LINC00632: variants seen among roughly 807,000 people sequenced by gnomAD.
LINC00632 encodes the protein ALDOA related specific transcript.
intron 3 of LINC00632, among the ~76,000 whole-genome samples, chrX:140,753,659 G>A (rs768075719): frequency 1.0e-4 from 11 of 108,988 alleles, no homozygotes; most frequent in East Asian, 5.7e-4. Context: ...TATGAAATAC[G>A]TTATAAAAAT....
At chrX:140,729,733 TGCTTTATAGAGATA>T (rs1481601975) in intron 2 of LINC00632, among the ~76,000 whole-genome samples, 1 of 109,230 alleles carries the variant, frequency 9.2e-6, no homozygotes, top group Non-Finnish European at 1.9e-5. Flanking sequence ...ACTGGGTCCA[TGCTTTATAGAGATA>T]GCCTATGGTA....
chrX:140,779,696 A>G (rs1251705090), exon 5 of LINC00632, among the ~76,000 whole-genome samples: 2 of 112,224 alleles, frequency 1.8e-5, no homozygotes, highest in East Asian at 5.6e-4. Flanking sequence ...TGAGAAATTA[A>G]GTATGAATCT....
intron 3 of LINC00632, among the ~76,000 whole-genome samples, chrX:140,767,530 T>TA (rs1383821180): frequency 8.9e-6 from 1 of 112,166 alleles, no homozygotes; most frequent in Non-Finnish European, 1.9e-5. Context: ...TTTAGTAACT[T>TA]ACGCCTCTTA....
chrX:140,725,279 C>CCATACA (rs1930932951), intron 2 of LINC00632, among the ~76,000 whole-genome samples: 2 of 85,526 alleles, frequency 2.3e-5, no homozygotes, highest in Non-Finnish European at 4.5e-5. Context: ...GTCACACATT[C>CCATACA]CATACACACA....
chrX:140,720,225 ACTGTCTCCATAAAACACTTC>A (rs1380515527), intron 2 of LINC00632, among the ~76,000 whole-genome samples: 1 of 111,449 alleles, frequency 9.0e-6, no homozygotes, highest in Non-Finnish European at 1.9e-5. Flanking sequence ...TAACACACAA[ACTGTCTCCATAAAACACTTC>A]CTTGTCTCTT....
chrX:140,723,596 CAG>C (rs1386281143), intron 2 of LINC00632, among the ~76,000 whole-genome samples: 3 of 7,075 alleles, frequency 4.2e-4, no homozygotes, highest in Admixed American at 1.3e-3. Context: ...ATTCCATACA[CAG>C]ACACACATTC....
At chrX:140,783,057 C>A (rs1009901759) in exon 5 of LINC00632, 2 of 115,406 alleles carry the variant, frequency 1.7e-5, no homozygotes, top group South Asian at 3.4e-4. Context: ...TTCCAATATT[C>A]AATATCCCAA....
exon 5 of LINC00632, among the ~76,000 whole-genome samples, chrX:140,785,613 G>A (rs1479577206): frequency 8.9e-6 from 1 of 112,258 alleles, no homozygotes; most frequent in African/African-American, 3.2e-5. Flanking sequence ...TGTATGCACA[G>A]CTTTTATTCC....
At chrX:140,781,504 T>C (rs1931932628) in exon 5 of LINC00632, among the ~76,000 whole-genome samples, 1 of 111,430 alleles carries the variant, frequency 9.0e-6, no homozygotes, top group African/African-American at 3.3e-5. Context: ...GTTTGGGCAA[T>C]TGTCCAAACA....
intron 1 of LINC00632, among the ~76,000 whole-genome samples, chrX:140,710,931 G>C (rs1249525574): frequency 9.0e-6 from 1 of 111,375 alleles, no homozygotes; most frequent in African/African-American, 3.3e-5. Context: ...CTGCGGCAAA[G>C]AGAGTGACTG....
At chrX:140,777,053 C>T (rs1931881008) in exon 5 of LINC00632, among the ~76,000 whole-genome samples, 1 of 105,786 alleles carries the variant, frequency 9.5e-6, no homozygotes, top group Non-Finnish European at 1.9e-5. Flanking sequence ...GAGAACCAAA[C>T]ACCACATGTT....
At chrX:140,746,662 T>G (rs776828866) in intron 3 of LINC00632, among the ~76,000 whole-genome samples, 1 of 112,380 alleles carries the variant, frequency 8.9e-6, no homozygotes, top group East Asian at 2.8e-4. Context: ...CTAAAAATTA[T>G]AAGATAGGTG....
chrX:140,736,752 A>C (rs772428527), intron 3 of LINC00632, among the ~76,000 whole-genome samples: 1 of 109,568 alleles, frequency 9.1e-6, no homozygotes, highest in Non-Finnish European at 1.9e-5. Flanking sequence ...AAACTTTTTA[A>C]CGATATTTTA....
At chrX:140,761,252 A>G (rs1931590351) in intron 3 of LINC00632, among the ~76,000 whole-genome samples, 2 of 112,667 alleles carry the variant, frequency 1.8e-5, no homozygotes, top group East Asian at 2.8e-4. Context: ...CAGTGTAAAC[A>G]TGACTCTTTC....
chrX:140,751,556 C>T (rs1212000509), intron 3 of LINC00632, among the ~76,000 whole-genome samples: 1 of 111,378 alleles, frequency 9.0e-6, no homozygotes, highest in Non-Finnish European at 1.9e-5. Context: ...CAGTGTCTTT[C>T]CATGGCTGGA....
intron 2 of LINC00632, chrX:140,714,765 T>C (rs1462407793): frequency 9.6e-6 from 1 of 104,598 alleles, no homozygotes; most frequent in African/African-American, 3.6e-5. Flanking sequence ...GAGGTTGCAG[T>C]GAGCCAAGAT....
chrX:140,767,228 T>G (rs997573286), intron 3 of LINC00632, among the ~76,000 whole-genome samples: 1 of 111,457 alleles, frequency 9.0e-6, no homozygotes, highest in Non-Finnish European at 1.9e-5. Flanking sequence ...ATTATGTAAC[T>G]TGTCTGAGCT....
chrX:140,728,449 G>T (rs1931002332), intron 2 of LINC00632, among the ~76,000 whole-genome samples: 1 of 108,722 alleles, frequency 9.2e-6, no homozygotes, highest in Non-Finnish European at 1.9e-5. Flanking sequence ...AAAAAACCAT[G>T]TGCCCCCCAA....
At chrX:140,768,347 C>G (rs914248501) in intron 3 of LINC00632, among the ~76,000 whole-genome samples, 1 of 108,412 alleles carries the variant, frequency 9.2e-6, no homozygotes, top group South Asian at 3.9e-4. Context: ...AAGGGTAGAT[C>G]GAAGACCTCA....
Sources: gnomAD v4.1 joint callset for allele counts (sites outside exome capture counted in the v4.1 genomes callset) on GRCh38, gnomAD v4.1.1 for gene constraint, MANE v1.5 for transcripts, NCBI Gene and HGNC (gene_info 2026-07-23, HGNC 2026-07-21) for gene names.